DTX4: variants seen among roughly 807,000 people sequenced by gnomAD.
DTX4 encodes E3 ubiquitin-protein ligase DTX4.
Under a neutral mutation model 57.6 loss-of-function variants are expected in DTX4, and 28 were observed. That is an observed-to-expected ratio of 0.49 (90% CI 0.36 to 0.67). The LOEUF (loss-of-function observed/expected upper bound fraction) is 0.67. Ranked by LOEUF, DTX4 falls within the 30% of genes least tolerant of loss-of-function variation. DTX4 has a pLI of 0.00. For synonymous variants in DTX4, 316 were observed against 331.0 expected, an observed-to-expected ratio of 0.95 and a Z score of 0.49; for missense variants, 715 against 836.8, an observed-to-expected ratio of 0.85 and a Z score of 1.80.
Position 59,172,684 on chromosome 11 carries a change from T to G in DTX4, c.89T>G (p.Ile30Ser), listed in dbSNP as rs776060081. 1 of 1,600,538 alleles carries G rather than the reference T, an allele frequency of 6.2e-7. No homozygotes were observed. Among genetic ancestry groups the G allele is most frequent in the Non-Finnish European group, 8.5e-7 (1 of 1,176,332 alleles). The change falls in exon 1 of 9, where the codon ATC becomes AGC. Residue 30 changes from isoleucine (I) to serine (S), a missense_variant. By Grantham distance (142) the Ile-to-Ser change is moderately radical. Coordinates refer to ENST00000227451, the MANE Select transcript of DTX4 (RefSeq NM_015177.2). The stretch of plus-strand genomic sequence containing the variant: ...TACAGCCCAGCGGTGAGCCACCACA[T>G]CGAGGCGGTGGTCCGCGCCGGCCCC... ...RPYSPAVSHH[I>S]EAVVRAGPRA...
At chr11:59,181,297 C>T (rs776126698) in intron 1 of DTX4, among the ~76,000 whole-genome samples, 1 of 152,176 alleles carries the variant, frequency 6.6e-6, no homozygotes, top group Non-Finnish European at 1.5e-5. Flanking sequence ...CAGAACCTCG[C>T]ATGTACAAAT....
intron 6 of DTX4, among the ~76,000 whole-genome samples, chr11:59,194,309 A>G (rs560862092): frequency 1.3e-5 from 2 of 152,336 alleles, no homozygotes; most frequent in African/African-American, 2.4e-5. Flanking sequence ...TATGATTTAA[A>G]GCACTATAAT....
chr11:59,204,197 A>G (rs1490936168), intron 8 of DTX4, among the ~76,000 whole-genome samples: 6 of 152,178 alleles, frequency 3.9e-5, no homozygotes, highest in Non-Finnish European at 8.8e-5. Flanking sequence ...CTTTGGATAA[A>G]TTAATACTAC....
intron 6 of DTX4, among the ~76,000 whole-genome samples, chr11:59,193,475 T>G (rs1862624998): frequency 6.6e-6 from 1 of 152,168 alleles, no homozygotes; most frequent in Admixed American, 6.6e-5. Flanking sequence ...CTTGCTCACT[T>G]TCCCAACCCT....
At chr11:59,175,717 T>C (rs557050996) in intron 1 of DTX4, among the ~76,000 whole-genome samples, 277 of 152,254 alleles carry the variant, frequency 1.8e-3, no homozygotes, top group Middle Eastern at 0.01. Flanking sequence ...TGAAGAGCTT[T>C]ACTTCAGCAT....
intron 7 of DTX4, among the ~76,000 whole-genome samples, chr11:59,199,209 T>A (rs953924233): frequency 2.0e-5 from 3 of 152,220 alleles, no homozygotes; most frequent in Non-Finnish European, 4.4e-5. Flanking sequence ...AGAGTGTGCC[T>A]CAGGAAACCT....
chr11:59,188,732 C>T lies in DTX4; in HGVS notation c.936-3C>T. 1 of 1,613,634 alleles carries T rather than the reference C, an allele frequency of 6.2e-7. No individual in the cohort carries two copies. Among genetic ancestry groups the T allele is most frequent in the Non-Finnish European group, 8.5e-7 (1 of 1,179,574 alleles). ...ACATTGTATCTGCTCTTTCCTTTCA[C>T]AGGGTCCCCACAGTCCCAGTGAAGA... On this transcript the variant is annotated splice_region_variant and splice_polypyrimidine_tract_variant and intron_variant, in intron 2 of 8. Coordinates refer to ENST00000227451, the MANE Select transcript of DTX4 (RefSeq NM_015177.2).
At chr11:59,177,828 C>T (rs1862413970) in intron 1 of DTX4, among the ~76,000 whole-genome samples, 1 of 152,188 alleles carries the variant, frequency 6.6e-6, no homozygotes, top group Non-Finnish European at 1.5e-5. Context: ...ATTCTCCACA[C>T]CTTGAAATGC....
At chr11:59,174,147 C>A (rs1565214477) in intron 1 of DTX4, among the ~76,000 whole-genome samples, 2 of 152,126 alleles carry the variant, frequency 1.3e-5, no homozygotes, top group South Asian at 4.1e-4. Flanking sequence ...CCAGCAACCC[C>A]TTTGCCAAGG....
chr11:59,192,807 G>A (rs1021725594), intron 6 of DTX4, among the ~76,000 whole-genome samples: 1 of 152,168 alleles, frequency 6.6e-6, no homozygotes, highest in Admixed American at 6.5e-5. Context: ...GAATCCCACT[G>A]TTGGAAGAGG....
intron 2 of DTX4, among the ~76,000 whole-genome samples, chr11:59,186,265 G>A (rs1008552257): frequency 6.6e-6 from 1 of 152,144 alleles, no homozygotes; most frequent in Non-Finnish European, 1.5e-5. Flanking sequence ...TTCTTGAGCT[G>A]CCTGAAATGT....
At chr11:59,191,295 A>T (rs761120270) in intron 5 of DTX4, 120 bp downstream of exon 5, 2 of 945,008 alleles carry the variant, frequency 2.1e-6, no homozygotes, top group Admixed American at 4.9e-5. Context: ...ATGGATACAG[A>T]ACTGGTCAGA....
chr11:59,175,381 C>CTG (rs1862383047), intron 1 of DTX4, among the ~76,000 whole-genome samples: 1 of 152,174 alleles, frequency 6.6e-6, no homozygotes, highest in African/African-American at 2.4e-5. Context: ...CTGATAGAGT[C>CTG]CTCAGGCTCT....
At chr11:59,195,393 C>T in intron 7 of DTX4, 24 bp downstream of exon 7, 1 of 1,580,028 alleles carries the variant, frequency 6.3e-7, no homozygotes, top group Non-Finnish European at 8.6e-7. Context: ...TCAGGTGAGC[C>T]TTTCTGTCAC....
rs372858846 is a variant in DTX4 at position 59,182,443 on chromosome 11, C to T, written c.916C>T (p.Arg306Trp). 38 of 1,608,414 alleles carry T rather than the reference C, an allele frequency of 2.4e-5. No individual in the cohort carries two copies. Among genetic ancestry groups the T allele is most frequent in the Admixed American group, 5.0e-5 (3 of 59,506 alleles). ...NLQRLAIAQSRVLIASGVPTV... is the reference protein window; with the variant it reads ...NLQRLAIAQSWVLIASGVPTV... The stretch of plus-strand genomic sequence containing the variant: ...GCAGCGACTGGCCATTGCCCAGTCC[C>T]GGGTGCTGATCGCCTCTGGGTAAGT... The change falls in exon 2 of 9, where the codon CGG becomes TGG. Residue 306 changes from arginine (R) to tryptophan (W), a missense_variant. Arg to Trp is a moderately radical substitution (Grantham distance 101). Transcript: ENST00000227451.
chr11:59,204,417 A>G (rs1862777628), intron 8 of DTX4, among the ~76,000 whole-genome samples: 1 of 152,208 alleles, frequency 6.6e-6, no homozygotes, highest in African/African-American at 2.4e-5. Context: ...AGATTGTACC[A>G]TTGCCATTTC....
chr11:59,188,135 G>T (rs1018846972), intron 2 of DTX4, among the ~76,000 whole-genome samples: 1 of 152,144 alleles, frequency 6.6e-6, no homozygotes, highest in Non-Finnish European at 1.5e-5. Flanking sequence ...CTAGTGCCTG[G>T]CTCTGAACAA....
Position 59,181,999 on chromosome 11 carries a change from G to T in DTX4, c.472G>T (p.Asp158Tyr), listed in dbSNP as rs762137999. 2 of 1,613,832 alleles carry T rather than the reference G, an allele frequency of 1.2e-6. No homozygotes were observed. The highest frequency in any genetic ancestry group is 2.2e-5 in the South Asian group (2 of 91,066). ...CCAACGCCGCGTCCGCCGGCGCCTC[G>T]ACCTCATCTACCCCATGGTCACAGG... ...QRQRRVRRRL[D>Y]LIYPMVTGTL... Residue 158 changes from aspartate to tyrosine, a missense_variant, in exon 2 of 9, where the codon GAC becomes TAC. Asp to Tyr is a radical substitution (Grantham distance 160). Transcript: ENST00000227451.
chr11:59,195,181 C>T (rs1298636997), intron 6 of DTX4, 27 bp from the exon 7 acceptor site: 3 of 1,613,608 alleles, frequency 1.9e-6, no homozygotes, highest in Non-Finnish European at 2.5e-6. Context: ...GTTTCCCAAT[C>T]TGGCTCTTCT....
Sources: gnomAD v4.1 joint callset for allele counts (sites outside exome capture counted in the v4.1 genomes callset) on GRCh38, gnomAD v4.1.1 for gene constraint, MANE v1.5 for transcripts, NCBI Gene and HGNC (gene_info 2026-07-23, HGNC 2026-07-21) for gene names.